Variants in COL13A1 observed in about 807,000 individuals in gnomAD.
COL13A1 encodes the protein collagen alpha-1(XIII) chain.
In COL13A1, 89 loss-of-function variants were observed where a neutral mutation model predicts 130.9. That is an observed-to-expected ratio of 0.68 (90% CI 0.57 to 0.81). COL13A1 has a LOEUF of 0.81. COL13A1 is among the 30% of genes least tolerant of loss of function. The pLI, the probability that COL13A1 is intolerant of heterozygous loss-of-function variation, is 0.00. For synonymous variants in COL13A1, 402 were observed against 341.6 expected (o/e 1.18, Z -1.95); for missense variants, 879 against 934.6 (o/e 0.94, Z 0.78).
Position 69,932,369 on chromosome 10 carries a change from C to T in COL13A1, c.1684-191C>T, listed in dbSNP as rs557843696. ...ACGCTGCAGAGTCCACAGAGAGTAT[C>T]AGCCTCTCCTCCCCTGTACTAGAGC... On this transcript the variant is annotated intron_variant, in intron 30 of 40. Transcript: ENST00000645393. 2.6e-5 allele frequency among the ~76,000 whole-genome samples: 4 copies of T among 152,290 alleles called. No homozygotes were observed. In the South Asian group the frequency reaches 8.3e-4, roughly 32 times the overall value.
At chr10:69,926,662 T>G (rs1291037369) in intron 26 of COL13A1, among the ~76,000 whole-genome samples, 1 of 152,184 alleles carries the variant, frequency 6.6e-6, no homozygotes, top group Non-Finnish European at 1.5e-5. Flanking sequence ...TGCTATATTG[T>G]GTCTGTTTAA....
chr10:69,874,978 C>T, intron 4 of COL13A1, 150 bp from the exon 5 acceptor site: 3 of 829,756 alleles, frequency 3.6e-6, no homozygotes, highest in Non-Finnish European at 6.0e-6. Flanking sequence ...AGTGTACCTA[C>T]ATGATGCTTG....
At chr10:69,888,158 T>C in intron 8 of COL13A1, 146 bp from the exon 9 acceptor site, 2 of 832,658 alleles carry the variant, frequency 2.4e-6, no homozygotes, top group Non-Finnish European at 3.8e-6. Context: ...TTACCCATAG[T>C]CACATTAACA....
At chr10:69,866,758 C>T (rs1287135988) in intron 2 of COL13A1, among the ~76,000 whole-genome samples, 1 of 152,084 alleles carries the variant, frequency 6.6e-6, no homozygotes, top group African/African-American at 2.4e-5. Context: ...TGGATGGTGA[C>T]CAGGGCAGAG....
At chr10:69,831,613 G>A (rs1375934270) in intron 2 of COL13A1, among the ~76,000 whole-genome samples, 4 of 152,302 alleles carry the variant, frequency 2.6e-5, no homozygotes, top group Non-Finnish European at 4.4e-5. Context: ...AGGTGATAGG[G>A]AGATAAGTTA....
At chr10:69,921,050 C>T (rs900574257) in intron 21 of COL13A1, among the ~76,000 whole-genome samples, 2 of 152,184 alleles carry the variant, frequency 1.3e-5, no homozygotes, top group East Asian at 1.9e-4. Context: ...CAAAGTACTA[C>T]AGGCTGGGTG....
At chr10:69,920,883 G>T (rs1410506210) in intron 21 of COL13A1, among the ~76,000 whole-genome samples, 1 of 152,204 alleles carries the variant, frequency 6.6e-6, no homozygotes, top group South Asian at 2.1e-4. Context: ...CACCAGTCAC[G>T]TAACCTCTTG....
At chr10:69,924,111 G>T (rs1045503834) in intron 24 of COL13A1, among the ~76,000 whole-genome samples, 1 of 152,188 alleles carries the variant, frequency 6.6e-6, no homozygotes, top group African/African-American at 2.4e-5. Context: ...TAAACGAGGG[G>T]CTCTTGCTTC....
intron 40 of COL13A1, 56 bp from the exon 41 acceptor site, chr10:69,958,643 A>G: frequency 1.2e-6 from 2 of 1,612,540 alleles, no homozygotes; most frequent in Non-Finnish European, 1.7e-6. Flanking sequence ...CAAAGGAAAT[A>G]AACCTCTGCA....
At chr10:69,925,915 C>G in intron 26 of COL13A1, 43 bp downstream of exon 26, 2 of 1,473,058 alleles carry the variant, frequency 1.4e-6, no homozygotes, top group Non-Finnish European at 1.9e-6. Context: ...TCATGGATCT[C>G]AGGCTCTGCA....
chr10:69,841,460 A>C (rs1232997306), intron 2 of COL13A1, among the ~76,000 whole-genome samples: 1 of 152,218 alleles, frequency 6.6e-6, no homozygotes, highest in Non-Finnish European at 1.5e-5. Flanking sequence ...ATAATCATTT[A>C]AGGTGTCAGG....
chr10:69,903,005 A>T, intron 15 of COL13A1, 150 bp downstream of exon 15: 1 of 571,936 alleles, frequency 1.7e-6, no homozygotes, highest in Non-Finnish European at 2.9e-6. Context: ...GGGGCTATTC[A>T]TCCCCATCAC....
chr10:69,900,950 GTTTA>G (rs2062124437), intron 14 of COL13A1, among the ~76,000 whole-genome samples: 1 of 152,182 alleles, frequency 6.6e-6, no homozygotes. Flanking sequence ...GAGCTCGGGA[GTTTA>G]CTTCAGACTA....
intron 7 of COL13A1, among the ~76,000 whole-genome samples, chr10:69,884,749 T>A (rs1486019253): frequency 6.6e-6 from 1 of 152,218 alleles, no homozygotes; most frequent in Non-Finnish European, 1.5e-5. Context: ...TCCTAATCCC[T>A]GTGCGTGTCT....
At chr10:69,927,201 A>G (rs1022153470) in intron 27 of COL13A1, 91 bp downstream of exon 27, 11 of 1,585,926 alleles carry the variant, frequency 6.9e-6, no homozygotes, top group African/African-American at 1.3e-5. Flanking sequence ...TCTCCCCTCC[A>G]GAAAGCAGGT....
At chr10:69,868,348 G>C (rs570637402) in intron 3 of COL13A1, among the ~76,000 whole-genome samples, 1 of 152,152 alleles carries the variant, frequency 6.6e-6, no homozygotes, top group Non-Finnish European at 1.5e-5. Flanking sequence ...AGCGGTGTCA[G>C]CCGGTTAGAC....
At chr10:69,892,130 T>TCC (rs2061240545) in intron 10 of COL13A1, among the ~76,000 whole-genome samples, 1 of 152,172 alleles carries the variant, frequency 6.6e-6, no homozygotes, top group Admixed American at 6.5e-5. Context: ...GTGGGATAGA[T>TCC]CCCCTGTCTG....
chr10:69,822,649 T>C (rs374036620), intron 2 of COL13A1, among the ~76,000 whole-genome samples: 13 of 152,222 alleles, frequency 8.5e-5, no homozygotes, highest in African/African-American at 2.9e-4. Flanking sequence ...CATTTGTTCA[T>C]AGAGTATTTT....
At chr10:69,864,695 A>G (rs953566196) in intron 2 of COL13A1, among the ~76,000 whole-genome samples, 1 of 152,230 alleles carries the variant, frequency 6.6e-6, no homozygotes, top group Non-Finnish European at 1.5e-5. Flanking sequence ...CTACCCCAGA[A>G]TTCTTCATGG....
Sources: allele counts gnomAD v4.1 joint callset (sites outside exome capture counted in the v4.1 genomes callset), GRCh38; gene constraint gnomAD v4.1.1; transcripts MANE v1.5; gene names NCBI Gene and HGNC (gene_info 2026-07-23, HGNC 2026-07-21).